GALNT9: variants seen among roughly 807,000 people sequenced by gnomAD.
The protein encoded by GALNT9 is GalNAc transferase 9.
A neutral mutation model predicts 63.1 loss-of-function variants in GALNT9; 47 were observed. The observed-to-expected ratio is 0.75, with a 90% CI of 0.59 to 0.95. The LOEUF (loss-of-function observed/expected upper bound fraction) is 0.95, where lower values mean the gene tolerates loss of function less well. GALNT9 is among the 40% of genes least tolerant of loss of function. The pLI, the probability that GALNT9 is intolerant of heterozygous loss-of-function variation, is 0.00. For synonymous variants in GALNT9, 396 were observed against 365.7 expected (o/e 1.08, Z -0.94); for missense variants, 829 against 874.8 (o/e 0.95, Z 0.66).
In GALNT9 at chr12:132,299,290, C is replaced by A. The variant is rs1419806977; in HGVS notation, c.239-12860G>T. On this transcript the variant is annotated intron_variant, in intron 1 of 10. Transcript: ENST00000328957. Reference sequence around the variant, plus strand: ...CCTGAGATAACTCACTCCCATAACTCACCCACTCCCACCACATCTAACCCA... The same window carrying A: ...CCTGAGATAACTCACTCCCATAACTAACCCACTCCCACCACATCTAACCCA... Among the ~76,000 whole-genome samples the A allele has an allele frequency of 2.4e-3, 315 of 131,572 alleles. 2 individuals carry two copies. The highest frequency in any genetic ancestry group is 9.2e-3 in the African/African-American group (293 of 31,740). The allele number at this position is 131,572 out of a possible 152,430, so 86.3% of individuals were successfully genotyped here.
chr12:132,217,804 G>T (rs1024261817), intron 6 of GALNT9, among the ~76,000 whole-genome samples: 1 of 131,546 alleles, frequency 7.6e-6, no homozygotes, highest in Admixed American at 7.5e-5. Flanking sequence ...CCATCCATCC[G>T]TCCATTCACC....
rs1251989809 is a variant in GALNT9 at position 132,316,232 on chromosome 12, C to T, written c.238+12734G>A. ...CATGAAGCTGGATCACAGTCAGTGC[C>T]TGCCCCGGGCCCCGACCTGCAAAGG... On this transcript the variant is annotated intron_variant, in intron 1 of 10. Transcript: ENST00000328957. The surrounding 1 kb of genome is among the most constrained non-coding windows in gnomAD (Gnocchi z 4.3). Among the ~76,000 whole-genome samples, 2 of 152,090 alleles carry T rather than the reference C, an allele frequency of 1.3e-5. No homozygotes were observed. Among genetic ancestry groups the T allele is most frequent in the Non-Finnish European group, 2.9e-5 (2 of 68,014 alleles).
chr12:132,321,249 G>A (rs28583308), intron 1 of GALNT9, among the ~76,000 whole-genome samples: 82,877 of 143,522 alleles, frequency 0.58, 24,276 homozygotes, highest in East Asian at 0.75. Flanking sequence ...CTGTCGGTCC[G>A]GAGTCGAGGC....
At position 132,201,114 on chromosome 12, in the gene GALNT9, G is replaced by T. The variant is rs1054653746; in HGVS notation, c.1401+10C>A. On this transcript the variant is annotated intron_variant, in intron 8 of 10. Transcript: ENST00000328957. ...GTCGGGCCGAACGGGGCCCTCGGGGGAGGTGCTACCTCTCCGTACGTGAGG... is the reference window on the plus strand; with the variant it reads ...GTCGGGCCGAACGGGGCCCTCGGGGTAGGTGCTACCTCTCCGTACGTGAGG... The T allele has an allele frequency of 6.2e-7, 1 of 1,611,958 alleles. No individual in the cohort carries two copies. The highest frequency in any genetic ancestry group is 8.5e-7 in the Non-Finnish European group (1 of 1,178,858).
chr12:132,308,599 G>C (rs1290090648), intron 1 of GALNT9, among the ~76,000 whole-genome samples: 2 of 152,270 alleles, frequency 1.3e-5, no homozygotes, highest in Admixed American at 1.3e-4. Flanking sequence ...GGGTGGGAGG[G>C]ACCCTCGACC....
At chr12:132,318,865 C>T (rs1484300474) in intron 1 of GALNT9, among the ~76,000 whole-genome samples, 1 of 152,250 alleles carries the variant, frequency 6.6e-6, no homozygotes, top group East Asian at 1.9e-4. Flanking sequence ...TCCTCCCGCC[C>T]TCTGCCAGTG....
intron 7 of GALNT9, 44 bp downstream of exon 7, chr12:132,203,461 G>T: frequency 1.2e-6 from 2 of 1,601,874 alleles, no homozygotes; most frequent in South Asian, 1.1e-5. Context: ...CATTGACCCC[G>T]ACCCTGGGGC....
In GALNT9 at chr12:132,197,271, T is replaced by G. The variant is rs751306047; in HGVS notation, c.1666-18A>C. On this transcript the variant is annotated intron_variant, in intron 10 of 10. Transcript: ENST00000328957. ...GGGCCACTCTGTGGGGACAGGCACATCAAGTCAGCCAGGTGCAGGCGTCCT... is the reference window on the plus strand; with the variant it reads ...GGGCCACTCTGTGGGGACAGGCACAGCAAGTCAGCCAGGTGCAGGCGTCCT... The G allele has an allele frequency of 1.2e-6, 2 of 1,609,210 alleles. No homozygotes were observed. Among genetic ancestry groups the G allele is most frequent in the African/African-American group, 2.7e-5 (2 of 74,900 alleles).
intron 2 of GALNT9, chr12:132,274,350 T>C (rs531428530): frequency 1.5e-3 from 234 of 152,118 alleles, no homozygotes; most frequent in Non-Finnish European, 2.7e-3. Context: ...CCCACCTGGA[T>C]GGCCACACAC....
At chr12:132,210,463 C>T (rs887773191) in intron 6 of GALNT9, among the ~76,000 whole-genome samples, 2 of 152,186 alleles carry the variant, frequency 1.3e-5, no homozygotes, top group African/African-American at 4.8e-5. Flanking sequence ...GAGGCTCAGA[C>T]GTCACACTCA....
rs1649716151 is a variant in GALNT9 at position 132,238,876 on chromosome 12, G to C, written c.1077+9034C>G. 6.6e-6 allele frequency among the ~76,000 whole-genome samples: 1 copy of C among 152,188 alleles called. No individual in the cohort carries two copies. Among genetic ancestry groups the C allele is most frequent in the African/African-American group, 2.4e-5 (1 of 41,422 alleles). On this transcript the variant is annotated intron_variant, in intron 6 of 10. Coordinates refer to ENST00000328957, the MANE Select transcript of GALNT9 (RefSeq NM_001122636.2). This position sits in a 1 kb window ranked among gnomAD's most constrained non-coding sequence, Gnocchi z 6.5. ...CAGGAAACTCTTTATCACTGCCTTAGGAGAGGACCATTATCTCTTGCCAAA... is the reference window on the plus strand; with the variant it reads ...CAGGAAACTCTTTATCACTGCCTTACGAGAGGACCATTATCTCTTGCCAAA...
Position 132,254,422 on chromosome 12 carries a change from CCTT to C in GALNT9, c.959+3264_959+3266del, listed in dbSNP as rs782790954. On this transcript the variant is annotated intron_variant, in intron 5 of 10. Coordinates refer to ENST00000328957, the MANE Select transcript of GALNT9 (RefSeq NM_001122636.2). ...GTTTCAGCGATGATCAGCATCGTGT[CCTT>C]CTTATTTTTTTCTCTCGCCTATTAC... Among the ~76,000 whole-genome samples, 27 of 152,352 alleles carry C rather than the reference CCTT, an allele frequency of 1.8e-4. No homozygotes were observed. The South Asian group carries it at 2.7e-3, about 15-fold the overall frequency.
At position 132,231,133 on chromosome 12, in the gene GALNT9, C is replaced by T. The variant is rs1426924122; in HGVS notation, c.1077+16777G>A. ...CCCTACTGCCACACACTCCATGGGG[C>T]GACAGAGGAGACAGCGTGGAGCCCC... On this transcript the variant is annotated intron_variant, in intron 6 of 10. Transcript: ENST00000328957. 1.2e-4 allele frequency among the ~76,000 whole-genome samples: 9 copies of T among 75,950 alleles called. 1 individual carries two copies. The South Asian group carries it at 2.0e-3, about 17-fold the overall frequency. The allele number at this position is 75,950 out of a possible 152,430, so 49.8% of individuals were successfully genotyped here. A position where few individuals can be genotyped will look rare whatever the true frequency, so the allele number is the denominator to read the frequency against.
At position 132,286,587 on chromosome 12, in the gene GALNT9, C is replaced by A; in HGVS notation, c.239-157G>T. Reference sequence around the variant, plus strand: ...GGCAGGCTGCCAGCTCAGGACATTCCAGAAAGTGCAAGGCTGTGCGCGGAG... The same window carrying A: ...GGCAGGCTGCCAGCTCAGGACATTCAAGAAAGTGCAAGGCTGTGCGCGGAG... On this transcript the variant is annotated intron_variant, in intron 1 of 10. Coordinates refer to ENST00000328957, the MANE Select transcript of GALNT9 (RefSeq NM_001122636.2). This position sits in a 1 kb window ranked among gnomAD's most constrained non-coding sequence, Gnocchi z 7.4. 1 of 1,259,756 alleles carries A rather than the reference C, an allele frequency of 7.9e-7. No homozygotes were observed. Among genetic ancestry groups the A allele is most frequent in the Non-Finnish European group, 1.1e-6 (1 of 940,580 alleles). 78.0% of individuals were successfully genotyped at this position (1,259,756 alleles called of 1,614,324 possible).
chr12:132,257,245 A>C (rs1353189856), intron 5 of GALNT9, among the ~76,000 whole-genome samples: 1 of 152,216 alleles, frequency 6.6e-6, no homozygotes, highest in Non-Finnish European at 1.5e-5. Flanking sequence ...GAAGAAAAAT[A>C]ACCTTCAAGC....
intron 6 of GALNT9, chr12:132,205,481 G>A (rs1172675026): frequency 6.6e-6 from 1 of 152,154 alleles, no homozygotes; most frequent in African/African-American, 2.4e-5. Context: ...CCTGACCCCG[G>A]TCCGGCAACC....
intron 2 of GALNT9, chr12:132,284,583 T>A (rs1177808730): frequency 1.3e-5 from 2 of 152,214 alleles, no homozygotes; most frequent in South Asian, 4.1e-4. Flanking sequence ...ATAAGTAGAA[T>A]GAAAATAAAA....
In GALNT9 at chr12:132,226,997, TC is replaced by T. The variant is rs1378899897; in HGVS notation, c.1077+20912del. On this transcript the variant is annotated intron_variant, in intron 6 of 10. Transcript: ENST00000328957. The stretch of plus-strand genomic sequence containing the variant: ...ACCCCACACTGTACATACACACCCA[TC>T]CCCCCCACACACATACATACACCCC... Among the ~76,000 whole-genome samples, 22 of 114,058 alleles carry T rather than the reference TC, an allele frequency of 1.9e-4. 1 individual carries two copies. The South Asian group carries it at 4.7e-3, about 24-fold the overall frequency. The allele number at this position is 114,058 out of a possible 152,430, so 74.8% of individuals were successfully genotyped here.
intron 1 of GALNT9, among the ~76,000 whole-genome samples, chr12:132,297,143 C>A (rs1372087176): frequency 6.6e-6 from 1 of 151,616 alleles, no homozygotes; most frequent in African/African-American, 2.4e-5. Context: ...AACCGACTCA[C>A]TCCCAAGATA....
Sources: gnomAD v4.1 joint callset for allele counts (sites outside exome capture counted in the v4.1 genomes callset) on GRCh38, gnomAD v4.1.1 for gene constraint, Gnocchi (gnomAD v3.1) non-coding constraint, MANE v1.5 for transcripts, NCBI Gene and HGNC (gene_info 2026-07-23, HGNC 2026-07-21) for gene names.